Variants in SIK2 observed in about 807,000 individuals in gnomAD.
SIK2 encodes serine/threonine-protein kinase SIK2.
In SIK2, 29 loss-of-function variants were observed where a neutral mutation model predicts 103.2. That is an observed-to-expected ratio of 0.28 (90% CI 0.21 to 0.38). The LOEUF is 0.38. Ranked by LOEUF, SIK2 falls within the 10% of genes least tolerant of loss-of-function variation. SIK2 has a pLI of 1.00. For synonymous variants in SIK2, 412 were observed against 446.1 expected (o/e 0.92, Z 0.96); for missense variants, 879 against 1,171.0 (o/e 0.75, Z 3.64).
At chr11:111,702,428 GT>G (rs897555739) in intron 6 of SIK2, among the ~76,000 whole-genome samples, 2 of 151,908 alleles carry the variant, frequency 1.3e-5, no homozygotes, top group Non-Finnish European at 2.9e-5. Flanking sequence ...CTACAAAAAA[GT>G]TTTTTTTCAA....
At chr11:111,707,834 C>T (rs1004846216) in intron 8 of SIK2, among the ~76,000 whole-genome samples, 1 of 152,158 alleles carries the variant, frequency 6.6e-6, no homozygotes, top group African/African-American at 2.4e-5. Context: ...TCATGCAGAC[C>T]TTGGGTTCCA....
At chr11:111,653,525 G>A (rs186570939) in intron 3 of SIK2, among the ~76,000 whole-genome samples, 8 of 152,304 alleles carry the variant, frequency 5.3e-5, no homozygotes, top group African/African-American at 1.4e-4. Flanking sequence ...TGGCATTTTC[G>A]TAGGAAAGAG....
In SIK2 at chr11:111,724,248, G is replaced by A. The variant is rs1205843376; in HGVS notation, c.*119G>A. Reference sequence around the variant, plus strand: ...CCTCTCCCTAACGGGGAGAAATCGAGCCACCCAACTGGAATCAGAGGGTCT... The same window carrying A: ...CCTCTCCCTAACGGGGAGAAATCGAACCACCCAACTGGAATCAGAGGGTCT... On this transcript the variant is annotated 3_prime_UTR_variant, in exon 15 of 15. Coordinates refer to ENST00000304987, the MANE Select transcript of SIK2 (RefSeq NM_015191.3). 2 of 1,377,358 alleles carry A rather than the reference G, an allele frequency of 1.5e-6. No individual in the cohort carries two copies. The highest frequency in any genetic ancestry group is 2.6e-5 in the Admixed American group (1 of 38,214). The allele number at this position is 1,377,358 out of a possible 1,614,324, so 85.3% of individuals were successfully genotyped here. A position where few individuals can be genotyped will look rare whatever the true frequency, so the allele number is the denominator to read the frequency against.
chr11:111,723,928 C>G lies in SIK2; in HGVS notation c.2580C>G (p.Asp860Glu). ...ELPSAASPAP[D>E]YPTPCQYPVD... ...CAAGCGCTGCTTCCCCTGCGCCAGA[C>G]TATCCCACTCCCTGTCAGTATCCTG... Residue 860 changes from aspartate to glutamate, a missense_variant, in exon 15 of 15, where the codon GAC becomes GAG. This residue lies in a region of SIK2 where 375 missense variants were observed against 416.3 expected (regional missense o/e 0.90). Transcript: ENST00000304987. The G allele has an allele frequency of 6.2e-7, 1 of 1,614,016 alleles. No homozygotes were observed. Among genetic ancestry groups the G allele is most frequent in the Non-Finnish European group, 8.5e-7 (1 of 1,179,964 alleles).
Position 111,722,525 on chromosome 11 carries a change from G to C in SIK2, c.2056-140G>C. 1.3e-6 allele frequency: 1 copy of C among 775,416 alleles called. No homozygotes were observed. Among genetic ancestry groups the C allele is most frequent in the Non-Finnish European group, 2.1e-6 (1 of 483,912 alleles). 48.0% of individuals were successfully genotyped at this position (775,416 alleles called of 1,614,324 possible). On this transcript the variant is annotated intron_variant, in intron 13 of 14. Transcript: ENST00000304987. This position sits in a 1 kb window ranked among gnomAD's most constrained non-coding sequence, Gnocchi z 4.4. ...GCCCGATGCTCTTTCAGGGTCTCAG[G>C]GAGTAAATGTCAGTCCCTTCACCCC...
At chr11:111,678,300 TTG>T (rs1403626745) in intron 3 of SIK2, among the ~76,000 whole-genome samples, 1 of 152,226 alleles carries the variant, frequency 6.6e-6, no homozygotes. Context: ...TCCTTATTCA[TTG>T]TCTTTTTCTC....
chr11:111,706,677 ATTG>A (rs1438983712), intron 8 of SIK2, among the ~76,000 whole-genome samples: 1 of 152,140 alleles, frequency 6.6e-6, no homozygotes, highest in Admixed American at 6.6e-5. Flanking sequence ...AAATAAGAGT[ATTG>A]GCTGGGCGTG....
Position 111,723,976 on chromosome 11 carries a change from C to A in SIK2, c.2628C>A (p.Asp876Glu), listed in dbSNP as rs1280434447. The A allele has an allele frequency of 5.6e-6, 9 of 1,614,060 alleles. No homozygotes were observed. The highest frequency in any genetic ancestry group is 7.6e-6 in the Non-Finnish European group (9 of 1,180,022). The change falls in exon 15 of 15, where the codon GAC becomes GAA. Residue 876 changes from aspartate to glutamate, a missense_variant. Physicochemically the swap from Asp to Glu is conservative, Grantham distance 45 (BLOSUM62 2). Coordinates refer to ENST00000304987, the MANE Select transcript of SIK2 (RefSeq NM_015191.3). ...QYPVDGAQQS[D>E]LTGPDCPRSP... ...CTGTGGATGGAGCCCAGCAGAGCGA[C>A]CTAACGGGGCCAGACTGTCCCAGAA...
chr11:111,720,811 GT>G, intron 11 of SIK2, 49 bp downstream of exon 11: 3 of 1,572,478 alleles, frequency 1.9e-6, no homozygotes, highest in Non-Finnish European at 2.6e-6. Flanking sequence ...TAGGAGAGCA[GT>G]TTCTTGCCAT....
intron 3 of SIK2, among the ~76,000 whole-genome samples, chr11:111,657,632 G>T (rs893085771): frequency 6.6e-6 from 1 of 152,016 alleles, no homozygotes; most frequent in Non-Finnish European, 1.5e-5. Flanking sequence ...CAAGCGATCC[G>T]CCTGCCCTGG....
In SIK2 at chr11:111,701,513, T is replaced by C; in HGVS notation, c.665T>C (p.Leu222Pro). 6.2e-7 allele frequency: 1 copy of C among 1,613,974 alleles called. No individual in the cohort carries two copies. ...CGALPFDGPTLPILRQRVLEG... is the reference protein window; with the variant it reads ...CGALPFDGPTPPILRQRVLEG... ...GCTCTGCCCTTTGATGGACCGACTC[T>C]TCCAATTTTGAGGCAGAGGGTTCTG... Residue 222 changes from leucine to proline, a missense_variant, in exon 6 of 15, where the codon CTT becomes CCT. Coordinates refer to ENST00000304987, the MANE Select transcript of SIK2 (RefSeq NM_015191.3). This position sits in a 1 kb window ranked among gnomAD's most constrained non-coding sequence, Gnocchi z 4.2.
chr11:111,612,915 G>GATATATATAT (rs67675103), intron 1 of SIK2, among the ~76,000 whole-genome samples: 5,230 of 46,468 alleles, frequency 0.11, 221 homozygotes, highest in Non-Finnish European at 0.16. Flanking sequence ...ATAGCAATGG[G>GATATATATAT]ATATATATAT....
chr11:111,619,553 C>G (rs1156345051), intron 2 of SIK2, among the ~76,000 whole-genome samples: 1 of 152,076 alleles, frequency 6.6e-6, no homozygotes, highest in Admixed American at 6.6e-5. Context: ...CCATGTTGGC[C>G]AGGCTGGTGT....
At chr11:111,639,296 T>C (rs1400669791) in intron 3 of SIK2, among the ~76,000 whole-genome samples, 1 of 152,226 alleles carries the variant, frequency 6.6e-6, no homozygotes, top group African/African-American at 2.4e-5. Context: ...TTTTTCTGCA[T>C]AGTCCCTCTT....
At position 111,701,375 on chromosome 11, in the gene SIK2, GC is replaced by G. The variant is rs1943208142; in HGVS notation, c.604-74del. ...TTTTTCAGTCCATATGATTTCAAGA[GC>G]CCTGGGGATGTTCAGGAAAACAAAG... is the stretch of plus-strand genomic sequence containing the variant. On this transcript the variant is annotated intron_variant, in intron 5 of 14. Transcript: ENST00000304987. The surrounding 1 kb of genome is among the most constrained non-coding windows in gnomAD (Gnocchi z 4.2). 1 of 1,538,456 alleles carries G rather than the reference GC, an allele frequency of 6.5e-7. No individual in the cohort carries two copies.
At position 111,688,714 on chromosome 11, in the gene SIK2, GT is replaced by G. The variant is rs1942882079; in HGVS notation, c.478+556del. Reference sequence around the variant, plus strand: ...CCTTGCCTTTTCACAGTTGTAAAATGTTTTATTTTATATTCTCAGTCTCTTT... The same window carrying G: ...CCTTGCCTTTTCACAGTTGTAAAATGTTTATTTTATATTCTCAGTCTCTTT... On this transcript the variant is annotated intron_variant, in intron 4 of 14. Coordinates refer to ENST00000304987, the MANE Select transcript of SIK2 (RefSeq NM_015191.3). This position sits in a 1 kb window ranked among gnomAD's most constrained non-coding sequence, Gnocchi z 4.2. Among the ~76,000 whole-genome samples the G allele has an allele frequency of 6.6e-6, 1 of 152,082 alleles. No individual in the cohort carries two copies. Among genetic ancestry groups the G allele is most frequent in the Admixed American group, 6.6e-5 (1 of 15,262 alleles).
At chr11:111,605,852 C>T (rs894101904) in intron 1 of SIK2, among the ~76,000 whole-genome samples, 10 of 152,174 alleles carry the variant, frequency 6.6e-5, no homozygotes. Context: ...AATATAATTA[C>T]ATCATCATCT....
intron 3 of SIK2, among the ~76,000 whole-genome samples, chr11:111,640,564 C>T (rs558555924): frequency 2.0e-5 from 3 of 152,132 alleles, no homozygotes; most frequent in Non-Finnish European, 4.4e-5. Context: ...TTTGGCCCTT[C>T]ATTCAAGAAA....
intron 9 of SIK2, among the ~76,000 whole-genome samples, chr11:111,712,744 T>C (rs1943537071): frequency 6.6e-6 from 1 of 152,250 alleles, no homozygotes; most frequent in Admixed American, 6.5e-5. Context: ...TTAACTTTCA[T>C]GCCAAATTGG....
Sources: allele counts gnomAD v4.1 joint callset (sites outside exome capture counted in the v4.1 genomes callset), GRCh38; gene constraint gnomAD v4.1.1; regional missense constraint gnomAD v4.1.1; non-coding constraint Gnocchi (gnomAD v3.1); transcripts MANE v1.5; gene names NCBI Gene and HGNC (gene_info 2026-07-23, HGNC 2026-07-21).